Variants in CCSER1 observed in about 807,000 individuals in gnomAD.
CCSER1 encodes the protein coiled-coil serine rich protein 1.
A neutral mutation model predicts 82.0 loss-of-function variants in CCSER1; 41 were observed. The observed-to-expected ratio is 0.50, with a 90% CI of 0.39 to 0.65. The LOEUF (loss-of-function observed/expected upper bound fraction) is 0.65, where lower values mean the gene tolerates loss of function less well. CCSER1 is among the 30% of genes least tolerant of loss of function. CCSER1 has a pLI of 0.00. For missense variants in CCSER1, 1,119 were observed against 1,064.2 expected (o/e 1.05, Z -0.72); for synonymous variants, 414 against 383.9 (o/e 1.08, Z -0.92).
intron 7 of CCSER1, among the ~76,000 whole-genome samples, chr4:90,753,123 T>C (rs1748957291): frequency 6.6e-6 from 1 of 152,142 alleles, no homozygotes; most frequent in Non-Finnish European, 1.5e-5. Context: ...CTGGCTTATA[T>C]AGCATCTTCA....
At chr4:90,327,950 C>T (rs1163205787) in intron 3 of CCSER1, among the ~76,000 whole-genome samples, 1 of 152,094 alleles carries the variant, frequency 6.6e-6, no homozygotes, top group African/African-American at 2.4e-5. Flanking sequence ...TTTCACAGTG[C>T]GAAATCTCCT....
chr4:90,473,759 T>C (rs1578655988), intron 5 of CCSER1, among the ~76,000 whole-genome samples: 1 of 152,218 alleles, frequency 6.6e-6, no homozygotes, highest in South Asian at 2.1e-4. Flanking sequence ...ACACAAACTC[T>C]GTGGTTATAT....
At chr4:91,317,767 C>T (rs78819311) in intron 10 of CCSER1, among the ~76,000 whole-genome samples, 3 of 151,856 alleles carry the variant, frequency 2.0e-5, no homozygotes, top group Admixed American at 6.6e-5. Flanking sequence ...CCACTTGACA[C>T]GATGCTTTCC....
intron 9 of CCSER1, among the ~76,000 whole-genome samples, chr4:90,957,585 ATTAT>A (rs1366591374): frequency 6.8e-5 from 9 of 132,032 alleles, no homozygotes; most frequent in Admixed American, 2.7e-4. Flanking sequence ...TATATAATAT[ATTAT>A]TATTTATATT....
At chr4:90,140,941 C>A (rs1029298371) in intron 1 of CCSER1, among the ~76,000 whole-genome samples, 3 of 151,466 alleles carry the variant, frequency 2.0e-5, no homozygotes, top group African/African-American at 7.3e-5. Flanking sequence ...CTGGGATTAC[C>A]GGAGTGAGCC....
At chr4:91,113,535 A>T (rs1726267486) in intron 10 of CCSER1, among the ~76,000 whole-genome samples, 2 of 152,222 alleles carry the variant, frequency 1.3e-5, no homozygotes, top group African/African-American at 4.8e-5. Context: ...TGGTTTTCCC[A>T]CAATCCAAGC....
At chr4:91,276,864 G>A (rs534203303) in intron 10 of CCSER1, among the ~76,000 whole-genome samples, 35 of 152,168 alleles carry the variant, frequency 2.3e-4, no homozygotes, top group African/African-American at 7.9e-4. Context: ...TTATCATAAA[G>A]GAATGTTGAA....
chr4:91,283,769 C>T (rs1001928535), intron 10 of CCSER1, among the ~76,000 whole-genome samples: 1 of 151,714 alleles, frequency 6.6e-6, no homozygotes, highest in Admixed American at 6.6e-5. Context: ...CTAATGCTGA[C>T]ATCATTTGCT....
chr4:91,088,865 T>TC (rs1338762112), intron 10 of CCSER1, among the ~76,000 whole-genome samples: 2 of 152,154 alleles, frequency 1.3e-5, no homozygotes, highest in African/African-American at 4.8e-5. Flanking sequence ...ATTTTTTTTT[T>TC]CATTAAGTGT....
chr4:91,085,370 A>G (rs72669204), intron 9 of CCSER1, among the ~76,000 whole-genome samples: 587 of 152,262 alleles, frequency 3.9e-3, no homozygotes, highest in Middle Eastern at 0.014. Context: ...ACTTGCTAAG[A>G]AAAAGAATAA....
chr4:90,814,585 A>G (rs971459212), intron 7 of CCSER1, among the ~76,000 whole-genome samples: 1 of 152,216 alleles, frequency 6.6e-6, no homozygotes, highest in African/African-American at 2.4e-5. Flanking sequence ...ATATGACTGA[A>G]TGCATTTGGA....
At chr4:90,311,653 T>TA (rs1735308846) in intron 2 of CCSER1, among the ~76,000 whole-genome samples, 1 of 152,214 alleles carries the variant, frequency 6.6e-6, no homozygotes, top group African/African-American at 2.4e-5. Context: ...TTTAAGCCAG[T>TA]ACTTTATACA....
intron 10 of CCSER1, among the ~76,000 whole-genome samples, chr4:91,346,620 TC>T (rs1748082995): frequency 6.6e-6 from 1 of 152,220 alleles, no homozygotes; most frequent in Non-Finnish European, 1.5e-5. Context: ...GAATGAGATC[TC>T]CTTTTGTTTC....
chr4:90,510,295 C>A (rs377186418), intron 5 of CCSER1, among the ~76,000 whole-genome samples: 1 of 152,238 alleles, frequency 6.6e-6, no homozygotes, highest in East Asian at 1.9e-4. Flanking sequence ...TAAATGGTTT[C>A]TAAATAGCCA....
chr4:90,784,167 T>C (rs1754169471), intron 7 of CCSER1, among the ~76,000 whole-genome samples: 1 of 152,200 alleles, frequency 6.6e-6, no homozygotes, highest in African/African-American at 2.4e-5. Context: ...ACTTTCCTTA[T>C]GTAGTAGCAT....
intron 8 of CCSER1, among the ~76,000 whole-genome samples, chr4:90,860,308 A>G (rs1297108334): frequency 1.3e-5 from 2 of 151,646 alleles, no homozygotes; most frequent in African/African-American, 4.8e-5. Context: ...ATGAGATACC[A>G]CTTGACACCC....
At chr4:90,273,208 G>A (rs559462564) in intron 1 of CCSER1, among the ~76,000 whole-genome samples, 2 of 152,144 alleles carry the variant, frequency 1.3e-5, no homozygotes, top group East Asian at 3.9e-4. Flanking sequence ...GGTTACCAGA[G>A]GCTGGGGAGG....
chr4:90,424,181 CT>C (rs11379379), intron 4 of CCSER1, among the ~76,000 whole-genome samples: 4 of 151,602 alleles, frequency 2.6e-5, no homozygotes, highest in Non-Finnish European at 5.9e-5. Context: ...TGATTAGCAA[CT>C]TTTTTTTCTT....
intron 7 of CCSER1, among the ~76,000 whole-genome samples, chr4:90,814,926 C>A (rs1383873820): frequency 2.0e-5 from 3 of 152,138 alleles, no homozygotes. Context: ...CTGCCCATTA[C>A]CCAGTTTCAA....
Sources: allele counts gnomAD v4.1 joint callset (sites outside exome capture counted in the v4.1 genomes callset), GRCh38; gene constraint gnomAD v4.1.1; transcripts MANE v1.5; gene names NCBI Gene and HGNC (gene_info 2026-07-23, HGNC 2026-07-21).